Variants in TH observed in about 807,000 individuals in gnomAD.
TH encodes tyrosine 3-monooxygenase.
Under a neutral mutation model 57.4 loss-of-function variants are expected in TH, and 49 were observed. That is an observed-to-expected ratio of 0.85 (90% CI 0.68 to 1.08). The LOEUF (loss-of-function observed/expected upper bound fraction) is 1.08. Among genes scored for constraint, TH ranks in the 50% least tolerant of loss-of-function variants. TH has a pLI of 0.00. For synonymous variants in TH, 330 were observed against 304.5 expected (o/e 1.08, Z -0.87); for missense variants, 720 against 696.7 (o/e 1.03, Z -0.38).
At chr11:2,169,573 G>A in intron 2 of TH, 77 bp downstream of exon 2, 2 of 1,436,572 alleles carry the variant, frequency 1.4e-6, no homozygotes, top group Non-Finnish European at 2.0e-6. Flanking sequence ...CTCTGCTATA[G>A]AGGGGTCAGG....
At position 2,166,652 on chromosome 11, in the gene TH, G is replaced by C. The variant is rs756715404; in HGVS notation, c.958C>G (p.Pro320Ala). The C allele has an allele frequency of 3.2e-6, 5 of 1,575,978 alleles. No individual in the cohort carries two copies. The highest frequency in any genetic ancestry group is 3.4e-6 in the Non-Finnish European group (4 of 1,161,824). ...CTQYIRHASS[P>A]MHSPEPDCCH... ...ACTCACGGCTCAGGGGAGTGCATGG[G>C]CGAGGACGCGTGGCGGATATACTGG... Residue 320 changes from proline (P) to alanine (A), a missense_variant, in exon 8 of 13, where the codon CCC (proline) becomes GCC (alanine). Coordinates refer to ENST00000352909, the MANE Select transcript of TH (RefSeq NM_000360.4).
rs1039805910 is a variant in TH at position 2,164,506 on chromosome 11, G to T, written c.1335-114C>A. On this transcript the variant is annotated intron_variant, in intron 12 of 12. Coordinates refer to ENST00000352909, the MANE Select transcript of TH (RefSeq NM_000360.4). ...CTTCACAGTGGCTCAGAGCTCCCAGGGCTTTTCTGAGCCAACTGGTCACAG... is the reference window on the plus strand; with the variant it reads ...CTTCACAGTGGCTCAGAGCTCCCAGTGCTTTTCTGAGCCAACTGGTCACAG... The T allele has an allele frequency of 6.2e-6, 8 of 1,288,502 alleles. No individual in the cohort carries two copies. The Admixed American group carries it at 2.3e-4, about 37-fold the overall frequency. The allele number at this position is 1,288,502 out of a possible 1,614,324, so 79.8% of individuals were successfully genotyped here.
At chr11:2,166,133 C>A in intron 9 of TH, 75 bp from the exon 10 acceptor site, 1 of 1,479,532 alleles carries the variant, frequency 6.8e-7, no homozygotes, top group Non-Finnish European at 9.2e-7. Context: ...CCGGGGGTGT[C>A]AGCAGCCCCT....
At chr11:2,165,114 C>T (rs1038914532) in intron 12 of TH, 118 bp downstream of exon 12, 15 of 1,487,378 alleles carry the variant, frequency 1.0e-5, no homozygotes, top group Non-Finnish European at 1.4e-5. Flanking sequence ...AACCAGGGGT[C>T]GGTTTTCTCA....
chr11:2,171,721 G>A lies in TH; in HGVS notation c.66C>T (p.Asp22=), dbSNP rs377073512. The change falls in exon 1 of 13, where the codon GAC becomes GAT. Residue 22 remains aspartate (D), a synonymous_variant. Coordinates refer to ENST00000352909, the MANE Select transcript of TH (RefSeq NM_000360.4). This position sits in a 1 kb window ranked among gnomAD's most constrained non-coding sequence, Gnocchi z 8.6. ...CCATGATGGCCTCTGCCTGCTTGGCGTCCAGCTCAGACACGGCCCTGCGGA... is the reference window on the plus strand; with the variant it reads ...CCATGATGGCCTCTGCCTGCTTGGCATCCAGCTCAGACACGGCCCTGCGGA... ...KGFRRAVSEL[D]AKQAEAIMSP... The A allele has an allele frequency of 9.0e-4, 1,458 of 1,612,746 alleles. 24 individuals carry two copies. In the South Asian group the frequency reaches 0.015, roughly 17 times the overall value.
Position 2,167,426 on chromosome 11 carries a change from A to AGG in TH, c.695+7_695+8dup. The AGG allele has an allele frequency of 6.4e-7, 1 of 1,559,544 alleles. No homozygotes were observed. The highest frequency in any genetic ancestry group is 8.7e-7 in the Non-Finnish European group (1 of 1,151,776). ...TCCTCCCCAGCCCCTAGCTGCACGG[A>AGG]GGTCTCACCAGGTGGCAATCTCCTC... On this transcript the variant is annotated intron_variant, in intron 6 of 12. Transcript: ENST00000352909.
intron 2 of TH, 62 bp from the exon 3 acceptor site, chr11:2,168,727 G>T: frequency 5.3e-6 from 6 of 1,132,878 alleles, no homozygotes; most frequent in Non-Finnish European, 5.1e-6. Flanking sequence ...GAGAGAGAGG[G>T]TGGGGTGGGC....
intron 11 of TH, 48 bp from the exon 12 acceptor site, chr11:2,165,413 C>T (rs778940011): frequency 1.2e-5 from 19 of 1,602,358 alleles, no homozygotes; most frequent in South Asian, 4.4e-5. Flanking sequence ...CCCAGGTCCC[C>T]GAGGGAACTG....
intron 11 of TH, 98 bp downstream of exon 11, chr11:2,165,570 C>T: frequency 1.1e-5 from 16 of 1,404,156 alleles, no homozygotes; most frequent in Non-Finnish European, 1.6e-5. Context: ...CCTGGAGGTC[C>T]AGGCCTCAGT....
chr11:2,166,989 C>T lies in TH; in HGVS notation c.739G>A (p.Ala247Thr), dbSNP rs373283527. The change falls in exon 7 of 13, where the codon GCC (alanine) becomes ACC (threonine). Residue 247 changes from alanine (A) to threonine (T), a missense_variant. Coordinates refer to ENST00000352909, the MANE Select transcript of TH (RefSeq NM_000360.4). The part of the protein sequence containing the change: ...TTLKGLYATH[A>T]CGEHLEAFAL... Reference sequence around the variant, plus strand: ...AAGGCCTCCAGGTGCTCCCCGCAGGCGTGCGTGGCGTAGAGGCCCTTCAGC... The same window carrying T: ...AAGGCCTCCAGGTGCTCCCCGCAGGTGTGCGTGGCGTAGAGGCCCTTCAGC... 6.3e-7 allele frequency: 1 copy of T among 1,590,208 alleles called. No homozygotes were observed. Among genetic ancestry groups the T allele is most frequent in the Non-Finnish European group, 8.6e-7 (1 of 1,168,814 alleles).
chr11:2,169,944 A>G, intron 1 of TH, 73 bp from the exon 2 acceptor site: 1 of 1,450,576 alleles, frequency 6.9e-7, no homozygotes, highest in Non-Finnish European at 9.4e-7. Context: ...AGCTGGTCCC[A>G]CAGTCGGGCA....
intron 7 of TH, 48 bp from the exon 8 acceptor site, chr11:2,166,816 C>G (rs1435339893): frequency 6.4e-7 from 1 of 1,553,272 alleles, no homozygotes; most frequent in East Asian, 2.4e-5. Context: ...GGGCTGGAGC[C>G]GCGCTGGGGT....
At chr11:2,168,729 G>C (rs1590170121) in intron 2 of TH, 64 bp from the exon 3 acceptor site, 1 of 1,067,234 alleles carries the variant, frequency 9.4e-7, no homozygotes, top group East Asian at 2.9e-5. Flanking sequence ...GAGAGAGGGT[G>C]GGGTGGGCGG....
rs1299503109 is a variant in TH, at chr11:2,170,510, C to T, written c.91-639G>A. Among the ~76,000 whole-genome samples, 1 of 152,190 alleles carries T rather than the reference C, an allele frequency of 6.6e-6. No individual in the cohort carries two copies. ...GCCTCTGACCCCTCGATCCCAGAGC[C>T]GTCCCAGGCCTGGACAGAGGGGGAC... On this transcript the variant is annotated intron_variant, in intron 1 of 12. Transcript: ENST00000352909. This position sits in a 1 kb window ranked among gnomAD's most constrained non-coding sequence, Gnocchi z 6.0.
In TH at chr11:2,164,407, G is replaced by C; in HGVS notation, c.1335-15C>G. 6.5e-7 allele frequency: 1 copy of C among 1,540,524 alleles called. No homozygotes were observed. Among genetic ancestry groups the C allele is most frequent in the Non-Finnish European group, 8.7e-7 (1 of 1,143,672 alleles). Reference sequence around the variant, plus strand: ...AGGCATAGCTCCTGGGGAGGAGAGCGGCAGAGCCCTCGTCAACTGGCGGGC... The same window carrying C: ...AGGCATAGCTCCTGGGGAGGAGAGCCGCAGAGCCCTCGTCAACTGGCGGGC... On this transcript the variant is annotated splice_polypyrimidine_tract_variant and intron_variant, in intron 12 of 12. Transcript: ENST00000352909.
Position 2,165,311 on chromosome 11 carries a change from C to G in TH, c.1255G>C (p.Val419Leu), listed in dbSNP as rs184106392. 5 of 1,612,666 alleles carry G rather than the reference C, an allele frequency of 3.1e-6. No individual in the cohort carries two copies. Among genetic ancestry groups the G allele is most frequent in the Non-Finnish European group, 4.2e-6 (5 of 1,179,990 alleles). The change falls in exon 12 of 13, where the codon GTG (valine) becomes CTG (leucine). Residue 419 changes from valine to leucine, a missense_variant. Physicochemically the swap from Val to Leu is conservative, Grantham distance 32 (BLOSUM62 1). Coordinates refer to ENST00000352909, the MANE Select transcript of TH (RefSeq NM_000360.4). The stretch of plus-strand genomic sequence containing the variant: ...TACGTCTGGTCTTGGTAGGGCTGCA[C>G]GGCCGCAGCCTCAGGGTCGAAGGCC... Reference protein sequence around the residue: ...IRAFDPEAAAVQPYQDQTYQS... With the variant: ...IRAFDPEAAALQPYQDQTYQS...
At chr11:2,165,618 C>T (rs1188404384) in intron 11 of TH, 50 bp downstream of exon 11, 2 of 1,590,884 alleles carry the variant, frequency 1.3e-6, no homozygotes, top group South Asian at 1.1e-5. Flanking sequence ...CCTGCACCGT[C>T]CCCCAGCCCT....
intron 5 of TH, 188 bp downstream of exon 5, chr11:2,167,678 G>GC: frequency 1.9e-6 from 2 of 1,064,772 alleles, no homozygotes; most frequent in Non-Finnish European, 2.7e-6. Flanking sequence ...GGTTGCTCTA[G>GC]CCCCCCTGGG....
At chr11:2,169,901 TC>T in intron 1 of TH, 30 bp from the exon 2 acceptor site, 1 of 1,594,554 alleles carries the variant, frequency 6.3e-7, no homozygotes, top group Non-Finnish European at 8.5e-7. Flanking sequence ...CCATGCCTCC[TC>T]CACCTGCTGA....
Sources: allele counts gnomAD v4.1 joint callset (sites outside exome capture counted in the v4.1 genomes callset), GRCh38; gene constraint gnomAD v4.1.1; non-coding constraint Gnocchi (gnomAD v3.1); transcripts MANE v1.5; gene names NCBI Gene and HGNC (gene_info 2026-07-23, HGNC 2026-07-21).